The following CRACDL variants were observed in gnomAD, a reference collection of about 807,000 sequenced individuals.
The protein encoded by CRACDL is CRACD like, also known as CRACD-like protein.
A neutral mutation model predicts 70.6 loss-of-function variants in CRACDL; 26 were observed. That is an observed-to-expected ratio of 0.37 (90% confidence interval 0.27 to 0.51). The LOEUF (loss-of-function observed/expected upper bound fraction) is 0.51. Ranked by LOEUF, CRACDL falls within the 20% of genes least tolerant of loss-of-function variation. The probability of loss-of-function intolerance (pLI) is 0.94; values close to 1 mark genes in which losing one functional copy is unlikely to be tolerated. For missense variants in CRACDL, 1,283 were observed against 1,376.9 expected, an observed-to-expected ratio of 0.93 and a Z score of 1.08; for synonymous variants, 618 against 615.2, an observed-to-expected ratio of 1.00 and a Z score of -0.07.
chr2:98,822,596 C>A lies in CRACDL; in HGVS notation c.1677G>T (p.Arg559=). ...PAGAERAAPE[R]KAERGGAELR... ...GCTCGGCACCGCCCCTCTCCGCCTT[C>A]CGCTCTGGCGCCGCCCTCTCGGCGC... Residue 559 remains arginine, a synonymous_variant, in exon 7 of 10, where the codon CGG becomes CGT. Coordinates refer to ENST00000397899, the MANE Select transcript of CRACDL (RefSeq NM_207362.3). This position sits in a 1 kb window ranked among gnomAD's most constrained non-coding sequence, Gnocchi z 4.9. 7.0e-7 allele frequency: 1 copy of A among 1,429,150 alleles called. No homozygotes were observed. The highest frequency in any genetic ancestry group is 1.4e-5 in the South Asian group (1 of 70,856). The allele number at this position is 1,429,150 out of a possible 1,614,324, so 88.5% of individuals were successfully genotyped here.
intron 1 of CRACDL, among the ~76,000 whole-genome samples, chr2:98,890,120 A>T (rs1707923133): frequency 6.6e-6 from 1 of 152,186 alleles, no homozygotes; most frequent in Non-Finnish European, 1.5e-5. Context: ...AGCAAGAGAA[A>T]CTGAAAGCAA....
At chr2:98,811,533 A>G (rs1368880148) in intron 7 of CRACDL, among the ~76,000 whole-genome samples, 5 of 151,546 alleles carry the variant, frequency 3.3e-5, no homozygotes, top group African/African-American at 7.3e-5. Context: ...AAAAAAAAAA[A>G]AAAAAAGAAA....
At chr2:98,917,672 G>C (rs1573197693) in intron 1 of CRACDL, among the ~76,000 whole-genome samples, 1 of 152,032 alleles carries the variant, frequency 6.6e-6, no homozygotes, top group East Asian at 1.9e-4. Context: ...ACATTTAAAG[G>C]GTACAAGCAC....
At chr2:98,928,192 T>A (rs1157539413) in intron 1 of CRACDL, among the ~76,000 whole-genome samples, 1 of 150,968 alleles carries the variant, frequency 6.6e-6, no homozygotes, top group Non-Finnish European at 1.5e-5. Context: ...AAAAAATAAA[T>A]AAATAAATAA....
chr2:98,812,278 T>A (rs191438945), intron 7 of CRACDL, among the ~76,000 whole-genome samples: 2 of 152,276 alleles, frequency 1.3e-5, no homozygotes, highest in African/African-American at 4.8e-5. Context: ...CCTGGCTGGT[T>A]TTTGGTGATT....
intron 1 of CRACDL, among the ~76,000 whole-genome samples, chr2:98,875,677 A>C (rs1385916552): frequency 6.6e-6 from 1 of 152,260 alleles, no homozygotes; most frequent in Non-Finnish European, 1.5e-5. Context: ...ATGATTCAAC[A>C]CAGGGGCATC....
In CRACDL at chr2:98,822,275, G is replaced by C; in HGVS notation, c.1998C>G (p.Pro666=). 3.2e-6 allele frequency: 5 copies of C among 1,581,710 alleles called. No homozygotes were observed. Among genetic ancestry groups the C allele is most frequent in the Non-Finnish European group, 4.3e-6 (5 of 1,171,506 alleles). ...EAAAAPGTRE[P]CPAAQEPAPS... is the part of the protein sequence containing the mutation. The stretch of plus-strand genomic sequence containing the variant: ...GGGCCGGCTCCTGGGCGGCTGGGCA[G>C]GGCTCTCTCGTGCCGGGCGCGGCGG... Residue 666 remains proline, a synonymous_variant, in exon 7 of 10, where the codon CCC becomes CCG. Transcript: ENST00000397899. The surrounding 1 kb of genome is among the most constrained non-coding windows in gnomAD (Gnocchi z 4.9).
chr2:98,817,465 T>C (rs913022142), intron 7 of CRACDL, among the ~76,000 whole-genome samples: 7 of 152,176 alleles, frequency 4.6e-5, no homozygotes, highest in Non-Finnish European at 1.0e-4. Context: ...CCAAATGAAT[T>C]TGAATATATC....
intron 3 of CRACDL, 149 bp downstream of exon 3, chr2:98,837,970 T>C: frequency 1.6e-6 from 1 of 619,932 alleles, no homozygotes; most frequent in Non-Finnish European, 2.6e-6. Context: ...ATCCCTAGGT[T>C]TGAAAAGACA....
chr2:98,873,983 G>T (rs1195628002), intron 1 of CRACDL, among the ~76,000 whole-genome samples: 1 of 152,224 alleles, frequency 6.6e-6, no homozygotes, highest in African/African-American at 2.4e-5. Flanking sequence ...TCCAGCCTGG[G>T]TGACTGAGTG....
At chr2:98,866,894 GTTC>G (rs1426122149) in intron 1 of CRACDL, among the ~76,000 whole-genome samples, 1 of 152,114 alleles carries the variant, frequency 6.6e-6, no homozygotes, top group East Asian at 1.9e-4. Context: ...TTTAGCCTGA[GTTC>G]TTCTTGCCTA....
rs141388155 is a variant in CRACDL at position 98,799,962 on chromosome 2, G to A, written c.2417-2425C>T. Among the ~76,000 whole-genome samples the A allele has an allele frequency of 3.2e-3, 491 of 152,166 alleles. 1 individual carries two copies. Among genetic ancestry groups the A allele is most frequent in the Non-Finnish European group, 5.3e-3 (360 of 68,012 alleles). The stretch of plus-strand genomic sequence containing the variant: ...TTGCTCCTGACCCTCAGCCGTCATC[G>A]CTTCCTCCCAGCATTCTCTCTTCTA... On this transcript the variant is annotated intron_variant, in intron 7 of 9. Transcript: ENST00000397899.
At chr2:98,842,672 T>C (rs1465869687) in intron 2 of CRACDL, among the ~76,000 whole-genome samples, 1 of 152,120 alleles carries the variant, frequency 6.6e-6, no homozygotes, top group Non-Finnish European at 1.5e-5. Context: ...TATGTCCCCT[T>C]TTCATTCCAG....
intron 1 of CRACDL, among the ~76,000 whole-genome samples, chr2:98,892,274 T>C (rs1268491201): frequency 6.6e-6 from 1 of 152,156 alleles, no homozygotes; most frequent in Non-Finnish European, 1.5e-5. Context: ...TAAAAAATTA[T>C]ACATATCATA....
chr2:98,851,304 C>G (rs913857188), intron 1 of CRACDL, among the ~76,000 whole-genome samples: 1 of 152,194 alleles, frequency 6.6e-6, no homozygotes, highest in African/African-American at 2.4e-5. Context: ...GACCAGAGAA[C>G]TGAACAGATC....
At chr2:98,899,201 G>A (rs980764377) in intron 1 of CRACDL, among the ~76,000 whole-genome samples, 2 of 152,210 alleles carry the variant, frequency 1.3e-5, no homozygotes, top group Non-Finnish European at 2.9e-5. Flanking sequence ...CTCCAGTGAA[G>A]CAATTCCCTG....
rs186303396 is a variant in CRACDL at position 98,871,826 on chromosome 2, C to T, written c.-10-25016G>A. 5.9e-5 allele frequency among the ~76,000 whole-genome samples: 9 copies of T among 152,246 alleles called. No individual in the cohort carries two copies. In the East Asian group the frequency reaches 1.5e-3, roughly 26 times the overall value. ...CATGATACAGGAAAATATTCAGTGA[C>T]GTGGGACAATACCCACCATACATTG... On this transcript the variant is annotated intron_variant, in intron 1 of 9. Coordinates refer to ENST00000397899, the MANE Select transcript of CRACDL (RefSeq NM_207362.3).
At chr2:98,925,639 G>A (rs1024629398) in intron 1 of CRACDL, among the ~76,000 whole-genome samples, 14 of 152,130 alleles carry the variant, frequency 9.2e-5, no homozygotes, top group Admixed American at 1.3e-4. Flanking sequence ...TGAGGGAAGC[G>A]GGATAAAGGT....
chr2:98,829,928 C>T (rs903836668), intron 5 of CRACDL, among the ~76,000 whole-genome samples: 23 of 152,198 alleles, frequency 1.5e-4, no homozygotes, highest in African/African-American at 5.5e-4. Flanking sequence ...CCCCCCAAAA[C>T]CCTCTGAGCC....
Sources: allele counts gnomAD v4.1 joint callset (sites outside exome capture counted in the v4.1 genomes callset), GRCh38; gene constraint gnomAD v4.1.1; non-coding constraint Gnocchi (gnomAD v3.1); transcripts MANE v1.5; gene names NCBI Gene and HGNC (gene_info 2026-07-23, HGNC 2026-07-21).